ZNF652: variants seen among roughly 807,000 people sequenced by gnomAD.
ZNF652 encodes the protein zinc finger protein 652.
In ZNF652, 16 loss-of-function variants were observed where a neutral mutation model predicts 45.2. The ratio of observed to expected loss-of-function variants is 0.35; its 90% confidence interval spans 0.24 to 0.54. The LOEUF (loss-of-function observed/expected upper bound fraction) is 0.54, where lower values mean the gene tolerates loss of function less well. Among genes scored for constraint, ZNF652 ranks in the 20% least tolerant of loss-of-function variants. The pLI, the probability that ZNF652 is intolerant of heterozygous loss-of-function variation, is 0.91. For synonymous variants in ZNF652, 250 were observed against 260.6 expected (o/e 0.96, Z 0.39); for missense variants, 614 against 765.6 (o/e 0.80, Z 2.34).
intron 1 of ZNF652, among the ~76,000 whole-genome samples, chr17:49,327,506 C>T (rs527500316): frequency 2.0e-5 from 3 of 151,492 alleles, no homozygotes; most frequent in Admixed American, 6.6e-5. Context: ...TTATGAAGTG[C>T]CTACTATGTG....
intron 1 of ZNF652, among the ~76,000 whole-genome samples, chr17:49,343,032 C>G (rs2070166278): frequency 6.6e-6 from 1 of 152,004 alleles, no homozygotes. Flanking sequence ...CAGGTGCATG[C>G]CACCACACCC....
chr17:49,326,422 G>T (rs1400214511), intron 1 of ZNF652, among the ~76,000 whole-genome samples: 1 of 152,110 alleles, frequency 6.6e-6, no homozygotes, highest in Non-Finnish European at 1.5e-5. Flanking sequence ...TGATCTTTGG[G>T]TTCTCAAGTG....
chr17:49,346,238 C>T (rs900865169), intron 1 of ZNF652, among the ~76,000 whole-genome samples: 2 of 152,176 alleles, frequency 1.3e-5, no homozygotes, highest in African/African-American at 4.8e-5. Flanking sequence ...GGACAAGTTA[C>T]ATGGTTACTT....
intron 1 of ZNF652, among the ~76,000 whole-genome samples, chr17:49,341,490 A>C (rs111855070): frequency 6.1e-3 from 72 of 11,806 alleles, no homozygotes; most frequent in African/African-American, 0.03. Flanking sequence ...TCATCTCTAC[A>C]AAAAAAAAAA....
chr17:49,343,150 G>A (rs2070167549), intron 1 of ZNF652, among the ~76,000 whole-genome samples: 2 of 152,136 alleles, frequency 1.3e-5, no homozygotes, highest in Non-Finnish European at 2.9e-5. Flanking sequence ...CCAAAGTGCT[G>A]GGATTACAGG....
chr17:49,312,628 A>T lies in ZNF652; in HGVS notation c.1048+70T>A, dbSNP rs950294076. 35 of 1,526,920 alleles carry T rather than the reference A, an allele frequency of 2.3e-5. No individual in the cohort carries two copies. The African/African-American group carries it at 4.5e-4, about 20-fold the overall frequency. 94.6% of individuals were successfully genotyped at this position (1,526,920 alleles called of 1,614,324 possible). On this transcript the variant is annotated intron_variant, in intron 3 of 5. Coordinates refer to ENST00000430262, the MANE Select transcript of ZNF652 (RefSeq NM_001145365.3). ...AGGGCAATTCCTCATATCCTGCCCAATCCAGGGCATAAAGCACACAGAAGA... is the reference window on the plus strand; with the variant it reads ...AGGGCAATTCCTCATATCCTGCCCATTCCAGGGCATAAAGCACACAGAAGA...
intron 1 of ZNF652, among the ~76,000 whole-genome samples, chr17:49,356,428 G>GTA (rs1491432973): frequency 2.2e-4 from 1 of 4,650 alleles, no homozygotes; most frequent in Non-Finnish European, 3.9e-4. Flanking sequence ...GACTCTGTCT[G>GTA]CAAAAAAAAA....
Position 49,317,665 on chromosome 17 carries a change from C to G in ZNF652, c.61G>C (p.Gly21Arg), listed in dbSNP as rs1288503075. 1.9e-6 allele frequency: 3 copies of G among 1,612,962 alleles called. No individual in the cohort carries two copies. Among genetic ancestry groups the G allele is most frequent in the African/African-American group, 1.3e-5 (1 of 74,922 alleles). The change falls in exon 2 of 6, where the codon GGA becomes CGA. Residue 21 changes from glycine to arginine, a missense_variant. By Grantham distance (125) the Gly-to-Arg change is moderately radical. Transcript: ENST00000430262. ...CGACGGCTATCTTCTTGTGCCATTCCTGCTACATGCACAGCACAGTTTTCA... is the reference window on the plus strand; with the variant it reads ...CGACGGCTATCTTCTTGTGCCATTCGTGCTACATGCACAGCACAGTTTTCA... The part of the protein sequence containing the change: ...LVENCAVHVA[G>R]MAQEDSRRGQ...
intron 1 of ZNF652, among the ~76,000 whole-genome samples, chr17:49,346,854 C>G (rs145222545): frequency 1.3e-5 from 2 of 152,296 alleles, no homozygotes; most frequent in African/African-American, 4.8e-5. Flanking sequence ...TTGTGCCTAT[C>G]TTAGTACTGA....
In ZNF652 at chr17:49,316,838, T is replaced by C; in HGVS notation, c.888A>G (p.Glu296=). 3.1e-6 allele frequency: 5 copies of C among 1,610,786 alleles called. No individual in the cohort carries two copies. Among genetic ancestry groups the C allele is most frequent in the South Asian group, 1.1e-5 (1 of 90,862 alleles). The change falls in exon 2 of 6, where the codon GAA becomes GAG. Residue 296 remains glutamate (E), a synonymous_variant. Transcript: ENST00000430262. ...TGATGAAACCTACCTGAATGTTTTT[T>C]TCACAGTCTGTTTGCTGGTGAAGGG... ...ELSLHQQTDC[E]KNIQCVSCNK...
chr17:49,310,920 A>G (rs2069701740), intron 5 of ZNF652, among the ~76,000 whole-genome samples: 1 of 152,148 alleles, frequency 6.6e-6, no homozygotes. Context: ...AACAAAACAA[A>G]AAACAGAGAG....
chr17:49,338,720 G>T (rs1360777986), intron 1 of ZNF652, among the ~76,000 whole-genome samples: 1 of 152,102 alleles, frequency 6.6e-6, no homozygotes, highest in Non-Finnish European at 1.5e-5. Flanking sequence ...ATATTTAGGA[G>T]ATATCAGCAA....
rs542662472 is a variant in ZNF652, at chr17:49,290,905, T to C, written c.*7508A>G. ...TTGAGAATAAAGCTAACGTACTTTA[T>C]TGCTCCCTTGTGGACAAAGCCAGAA... On this transcript the variant is annotated 3_prime_UTR_variant, in exon 6 of 6. Transcript: ENST00000430262. 42 of 152,326 alleles carry C rather than the reference T, an allele frequency of 2.8e-4. No homozygotes were observed. The highest frequency in any genetic ancestry group is 5.1e-4 in the Non-Finnish European group (35 of 68,022). 9.4% of individuals were successfully genotyped at this position (152,326 alleles called of 1,614,324 possible).
chr17:49,357,298 C>CA (rs34846468), intron 1 of ZNF652, among the ~76,000 whole-genome samples: 176 of 140,174 alleles, frequency 1.3e-3, no homozygotes, highest in Middle Eastern at 3.8e-3. Context: ...GACTCTGTCT[C>CA]AAAAAAAAAA....
At chr17:49,339,404 T>A (rs1341562778) in intron 1 of ZNF652, among the ~76,000 whole-genome samples, 1 of 148,396 alleles carries the variant, frequency 6.7e-6, no homozygotes, top group Non-Finnish European at 1.5e-5. Context: ...AAAAGCAACA[T>A]AATCCAAAAT....
Position 49,295,593 on chromosome 17 carries a change from G to A in ZNF652, c.*2820C>T, listed in dbSNP as rs2143680813. On this transcript the variant is annotated 3_prime_UTR_variant, in exon 6 of 6. Coordinates refer to ENST00000430262, the MANE Select transcript of ZNF652 (RefSeq NM_001145365.3). ...AACCTCATGAAATGGTTGATTCTGT[G>A]GTCTCAAGTCTAGAATCCAGAATTG... 6.6e-6 allele frequency: 1 copy of A among 152,430 alleles called. No homozygotes were observed. The allele number at this position is 152,430 out of a possible 1,614,324, so 9.4% of individuals were successfully genotyped here. A position where few individuals can be genotyped will look rare whatever the true frequency, so the allele number is the denominator to read the frequency against.
chr17:49,329,467 A>G (rs1252179014), intron 1 of ZNF652, among the ~76,000 whole-genome samples: 2 of 152,254 alleles, frequency 1.3e-5, no homozygotes, highest in Non-Finnish European at 2.9e-5. Flanking sequence ...TCATCTTCAC[A>G]ACAAACAAAA....
chr17:49,303,826 G>GT (rs905910459), intron 5 of ZNF652, among the ~76,000 whole-genome samples: 1 of 151,856 alleles, frequency 6.6e-6, no homozygotes, highest in Admixed American at 6.6e-5. Flanking sequence ...GGATGTTTAG[G>GT]TTTTTTATGT....
In ZNF652 at chr17:49,290,980, G is replaced by A. The variant is rs1308096998; in HGVS notation, c.*7433C>T. 1 of 152,132 alleles carries A rather than the reference G, an allele frequency of 6.6e-6. No individual in the cohort carries two copies. The highest frequency in any genetic ancestry group is 2.4e-5 in the African/African-American group (1 of 41,424). The allele number at this position is 152,132 out of a possible 1,614,324, so 9.4% of individuals were successfully genotyped here. Reference sequence around the variant, plus strand: ...GCCCATGTCAAGAAATGAATAAAATGCATATTCAAATTTATGGAAGATTGA... The same window carrying A: ...GCCCATGTCAAGAAATGAATAAAATACATATTCAAATTTATGGAAGATTGA... On this transcript the variant is annotated 3_prime_UTR_variant, in exon 6 of 6. Transcript: ENST00000430262.
Sources: gnomAD v4.1 joint callset for allele counts (sites outside exome capture counted in the v4.1 genomes callset) on GRCh38, gnomAD v4.1.1 for gene constraint, MANE v1.5 for transcripts, NCBI Gene and HGNC (gene_info 2026-07-23, HGNC 2026-07-21) for gene names.